Variants in ARHGAP24 observed in about 807,000 individuals in gnomAD.
The protein encoded by ARHGAP24 is rho GTPase-activating protein 24.
In ARHGAP24, 50 loss-of-function variants were observed where a neutral mutation model predicts 76.4. That is an observed-to-expected ratio of 0.65 (90% CI 0.52 to 0.83). The LOEUF (loss-of-function observed/expected upper bound fraction) is 0.83. Ranked by LOEUF, ARHGAP24 falls within the 40% of genes least tolerant of loss-of-function variation. The probability of loss-of-function intolerance (pLI) is 0.00; values close to 1 mark genes in which losing one functional copy is unlikely to be tolerated. For missense variants in ARHGAP24, 930 were observed against 914.2 expected (o/e 1.02, Z -0.22); for synonymous variants, 345 against 323.3 (o/e 1.07, Z -0.72).
At chr4:85,910,278 C>T (rs1735004565) in intron 3 of ARHGAP24, among the ~76,000 whole-genome samples, 1 of 152,180 alleles carries the variant, frequency 6.6e-6, no homozygotes, top group Admixed American at 6.5e-5. Flanking sequence ...CCTGAGGGAC[C>T]ACGGTTCTTT....
intron 1 of ARHGAP24, among the ~76,000 whole-genome samples, chr4:85,534,927 T>TAAA (rs200978740): frequency 1.0e-5 from 1 of 99,916 alleles, no homozygotes. Context: ...ATATTTACAG[T>TAAA]AAAAAAAAAA....
At chr4:85,491,175 G>A (rs959882002) in intron 1 of ARHGAP24, among the ~76,000 whole-genome samples, 3 of 152,028 alleles carry the variant, frequency 2.0e-5, no homozygotes, top group African/African-American at 7.3e-5. Flanking sequence ...CAAATGTCTT[G>A]TAATTCATCA....
chr4:85,664,821 T>A (rs1363053678), intron 2 of ARHGAP24, among the ~76,000 whole-genome samples: 1 of 152,180 alleles, frequency 6.6e-6, no homozygotes, highest in Admixed American at 6.5e-5. Flanking sequence ...AGCTGAGCAG[T>A]TTTGAGTGAG....
chr4:85,851,467 A>G (rs1731229195), intron 3 of ARHGAP24, among the ~76,000 whole-genome samples: 1 of 152,120 alleles, frequency 6.6e-6, no homozygotes, highest in Non-Finnish European at 1.5e-5. Flanking sequence ...TAATATTGTT[A>G]TGTGTGAATT....
intron 6 of ARHGAP24, 74 bp downstream of exon 6, chr4:85,972,242 A>G: frequency 8.2e-6 from 13 of 1,586,980 alleles, no homozygotes; most frequent in Non-Finnish European, 1.1e-5. Context: ...TTAAATCTGT[A>G]AATTTCCATT....
intron 8 of ARHGAP24, among the ~76,000 whole-genome samples, chr4:85,980,821 C>T (rs963385142): frequency 3.3e-5 from 5 of 152,114 alleles, no homozygotes; most frequent in African/African-American, 1.2e-4. Context: ...TGCTGTTGCC[C>T]TTTCACTGTG....
intron 1 of ARHGAP24, among the ~76,000 whole-genome samples, chr4:85,532,861 G>A (rs907346229): frequency 6.6e-6 from 1 of 152,032 alleles, no homozygotes; most frequent in African/African-American, 2.4e-5. Flanking sequence ...TGTCAGTGAT[G>A]GAAAGCTTCT....
chr4:85,900,172 T>A (rs1734413113), intron 3 of ARHGAP24, among the ~76,000 whole-genome samples: 1 of 152,224 alleles, frequency 6.6e-6, no homozygotes, highest in African/African-American at 2.4e-5. Context: ...CCTGCTAATC[T>A]ATATATTTGC....
At chr4:85,519,793 A>G (rs913729943) in intron 1 of ARHGAP24, among the ~76,000 whole-genome samples, 1 of 143,252 alleles carries the variant, frequency 7.0e-6, no homozygotes, top group African/African-American at 2.7e-5. Flanking sequence ...CCTCTACTGA[A>G]ATCTTCAATG....
intron 3 of ARHGAP24, among the ~76,000 whole-genome samples, chr4:85,879,963 T>A (rs757363734): frequency 4.6e-5 from 7 of 152,156 alleles, no homozygotes; most frequent in African/African-American, 9.7e-5. Flanking sequence ...TTTACACTCC[T>A]ATGAGAATCT....
At chr4:85,612,910 C>T (rs1313601670) in intron 2 of ARHGAP24, among the ~76,000 whole-genome samples, 5 of 148,642 alleles carry the variant, frequency 3.4e-5, no homozygotes, top group African/African-American at 1.2e-4. Context: ...GCAATTCACC[C>T]ACCTCAGCCT....
chr4:85,733,420 TTTAAGGAC>T (rs1404407238), intron 3 of ARHGAP24, among the ~76,000 whole-genome samples: 3 of 152,080 alleles, frequency 2.0e-5, no homozygotes, highest in Non-Finnish European at 4.4e-5. Flanking sequence ...GGGGCACTGG[TTTAAGGAC>T]TCTCTGGTCC....
chr4:85,781,415 G>A (rs934643202), intron 3 of ARHGAP24, among the ~76,000 whole-genome samples: 1 of 152,056 alleles, frequency 6.6e-6, no homozygotes, highest in African/African-American at 2.4e-5. Flanking sequence ...GAAAAAAACT[G>A]GATATATTAC....
chr4:85,626,749 A>G lies in ARHGAP24; in HGVS notation c.180+56028A>G, dbSNP rs889787328. ...AGATTTGGTCTTTTCACATAGTCCCATATTTCTTGGAGGCTTTGTTGGTTT... is the reference window on the plus strand; with the variant it reads ...AGATTTGGTCTTTTCACATAGTCCCGTATTTCTTGGAGGCTTTGTTGGTTT... On this transcript the variant is annotated intron_variant, in intron 2 of 9. Coordinates refer to ENST00000395184, the MANE Select transcript of ARHGAP24 (RefSeq NM_001025616.3). Among the ~76,000 whole-genome samples, 9 of 152,134 alleles carry G rather than the reference A, an allele frequency of 5.9e-5. No individual in the cohort carries two copies. The East Asian group carries it at 1.5e-3, about 26-fold the overall frequency.
At chr4:85,998,278 A>G (rs1740799412) in intron 9 of ARHGAP24, among the ~76,000 whole-genome samples, 1 of 152,102 alleles carries the variant, frequency 6.6e-6, no homozygotes, top group African/African-American at 2.4e-5. Context: ...AGAAGTTTGG[A>G]GTTGTTCATA....
intron 2 of ARHGAP24, among the ~76,000 whole-genome samples, chr4:85,620,859 T>A (rs375629916): frequency 1.2e-4 from 18 of 152,166 alleles, no homozygotes; most frequent in African/African-American, 4.3e-4. Context: ...AGCGTTTGAC[T>A]TCTATTGAAC....
intron 2 of ARHGAP24, among the ~76,000 whole-genome samples, chr4:85,691,089 A>C (rs1346493529): frequency 2.0e-5 from 3 of 152,078 alleles, no homozygotes; most frequent in Non-Finnish European, 4.4e-5. Flanking sequence ...TTATGCCTTA[A>C]TTTTGATGTT....
chr4:85,692,496 A>G (rs537589445), intron 2 of ARHGAP24, among the ~76,000 whole-genome samples: 6 of 152,256 alleles, frequency 3.9e-5, no homozygotes, highest in Admixed American at 1.3e-4. Flanking sequence ...GTGTAACTCC[A>G]TATTTCCAGA....
At chr4:85,909,301 T>G (rs998851031) in intron 3 of ARHGAP24, among the ~76,000 whole-genome samples, 6 of 151,748 alleles carry the variant, frequency 4.0e-5, no homozygotes, top group South Asian at 4.2e-4. Flanking sequence ...TCTTTTGTTT[T>G]GTTTTTTTTA....
Sources: allele counts gnomAD v4.1 joint callset (sites outside exome capture counted in the v4.1 genomes callset), GRCh38; gene constraint gnomAD v4.1.1; transcripts MANE v1.5; gene names NCBI Gene and HGNC (gene_info 2026-07-23, HGNC 2026-07-21).